Variants in RASGEF1C observed in about 807,000 individuals in gnomAD.
RASGEF1C encodes the protein RasGEF domain family member 1C, also known as ras-GEF domain-containing family member 1C.
Under a neutral mutation model 58.1 loss-of-function variants are expected in RASGEF1C, and 27 were observed. That is an observed-to-expected ratio of 0.46 (90% CI 0.34 to 0.64). RASGEF1C has a LOEUF of 0.64. RASGEF1C is among the 30% of genes least tolerant of loss of function. RASGEF1C has a pLI of 0.01. For synonymous variants in RASGEF1C, 243 were observed against 246.3 expected (o/e 0.99, Z 0.13); for missense variants, 502 against 605.1 (o/e 0.83, Z 1.79).
Position 180,138,026 on chromosome 5 carries a change from G to C in RASGEF1C, c.27C>G (p.Asp9Glu), listed in dbSNP as rs1388709024. 6.5e-7 allele frequency: 1 copy of C among 1,537,760 alleles called. No homozygotes were observed. The highest frequency in any genetic ancestry group is 2.3e-5 in the Admixed American group (1 of 43,922). ...GGCTGAGGCTGCCTGGGGTGACCAT[G>C]TCGGAGGCACTCAGCGTCTGTGGCA... Reference protein sequence around the residue: MPQTLSASDMVTPGSLSPP... With the variant: MPQTLSASEMVTPGSLSPP... Residue 9 changes from aspartate to glutamate, a missense_variant, in exon 2 of 14, where the codon GAC (aspartate) becomes GAG (glutamate). By Grantham distance (45) the Asp-to-Glu change is conservative (BLOSUM62 2). Transcript: ENST00000361132.
intron 1 of RASGEF1C, among the ~76,000 whole-genome samples, chr5:180,145,362 C>T (rs937235206): frequency 1.3e-5 from 2 of 152,200 alleles, no homozygotes; most frequent in African/African-American, 4.8e-5. Context: ...CTTAGGTGAT[C>T]TGCCCGCCTC....
At chr5:180,113,801 G>A (rs565738867) in intron 11 of RASGEF1C, among the ~76,000 whole-genome samples, 20 of 151,256 alleles carry the variant, frequency 1.3e-4, no homozygotes, top group Admixed American at 1.2e-3. Context: ...TGGAGGGACC[G>A]AGGATGGATG....
intron 1 of RASGEF1C, among the ~76,000 whole-genome samples, chr5:180,170,312 G>A (rs1389762300): frequency 6.6e-6 from 1 of 152,146 alleles, no homozygotes; most frequent in African/African-American, 2.4e-5. Context: ...AGGGCCGCCA[G>A]CCAGGAGGCA....
In RASGEF1C at chr5:180,137,443, G is replaced by C. The variant is rs967127612; in HGVS notation, c.300+147C>G. 4 of 1,092,110 alleles carry C rather than the reference G, an allele frequency of 3.7e-6. No individual in the cohort carries two copies. The highest frequency in any genetic ancestry group is 5.3e-6 in the Non-Finnish European group (4 of 754,436). 67.7% of individuals were successfully genotyped at this position (1,092,110 alleles called of 1,614,324 possible). A position where few individuals can be genotyped will look rare whatever the true frequency, so the allele number is the denominator to read the frequency against. On this transcript the variant is annotated intron_variant, in intron 3 of 13. Coordinates refer to ENST00000361132, the MANE Select transcript of RASGEF1C (RefSeq NM_175062.4). The surrounding 1 kb of genome is among the most constrained non-coding windows in gnomAD (Gnocchi z 4.1). ...GTCCTGTTCTGCTCCTTCTGGCTCT[G>C]GGCCTCAGACAAGGTGGAAACACCC...
intron 12 of RASGEF1C, among the ~76,000 whole-genome samples, chr5:180,108,359 G>A (rs756862899): frequency 3.9e-5 from 6 of 151,932 alleles, no homozygotes; most frequent in South Asian, 2.1e-4. Context: ...CCGACACCAC[G>A]CTTGGCTAAT....
At chr5:180,138,097 A>ACACCTGAGTTGGGTG (rs1242178084) in intron 1 of RASGEF1C, 39 bp from the exon 2 acceptor site, 5 of 1,296,584 alleles carry the variant, frequency 3.9e-6, no homozygotes, top group Non-Finnish European at 4.1e-6. Context: ...GAGTGGGGGC[A>ACACCTGAGTTGGGTG]CACCTGAGTT....
At chr5:180,174,580 G>A (rs1001512615) in intron 1 of RASGEF1C, among the ~76,000 whole-genome samples, 17 of 149,646 alleles carry the variant, frequency 1.1e-4, no homozygotes, top group African/African-American at 4.2e-4. Flanking sequence ...GTGTCTGTGT[G>A]TGCGCACGTG....
chr5:180,118,112 T>G (rs1449373825), intron 10 of RASGEF1C, among the ~76,000 whole-genome samples: 1 of 151,956 alleles, frequency 6.6e-6, no homozygotes, highest in African/African-American at 2.4e-5. Context: ...ATAAAAGTAT[T>G]ACGTTTAGAA....
intron 1 of RASGEF1C, among the ~76,000 whole-genome samples, chr5:180,181,899 C>CTGACTTCAAGAA (rs1255006689): frequency 6.6e-6 from 1 of 152,116 alleles, no homozygotes; most frequent in Admixed American, 6.5e-5. Context: ...TGTGGTCTCG[C>CTGACTTCAAGAA]TGACTTCAAG....
intron 8 of RASGEF1C, 91 bp from the exon 9 acceptor site, chr5:180,118,957 G>T (rs576077247): frequency 1.7e-6 from 2 of 1,206,428 alleles, no homozygotes; most frequent in Non-Finnish European, 2.5e-6. Context: ...CCTGACCAGG[G>T]CTGAGGTCTG....
rs201990397 is a variant in RASGEF1C, at chr5:180,135,048, C to CG, written c.438+1329_438+1330insC. ...CCATCCCGTTTCCGCTGTCCCCACC[C>CG]CCCCCGTCCAATCATCAACTGTTCC... On this transcript the variant is annotated intron_variant, in intron 4 of 13. Coordinates refer to ENST00000361132, the MANE Select transcript of RASGEF1C (RefSeq NM_175062.4). 3.3e-4 allele frequency among the ~76,000 whole-genome samples: 47 copies of CG among 143,412 alleles called. 1 individual carries two copies. In the East Asian group the frequency reaches 3.5e-3, roughly 11 times the overall value. 94.1% of individuals were successfully genotyped at this position (143,412 alleles called of 152,430 possible).
In RASGEF1C at chr5:180,123,468, A is replaced by T. The variant is rs73810786; in HGVS notation, c.715-2319T>A. 2.7e-3 allele frequency among the ~76,000 whole-genome samples: 411 copies of T among 152,340 alleles called. 1 individual carries two copies. Among genetic ancestry groups the T allele is most frequent in the African/African-American group, 9.1e-3 (380 of 41,574 alleles). Reference sequence around the variant, plus strand: ...TTTCAAATGTTCAGAAACTTAAAAAATTTTTTGAAATAATCTATGTTTCAA... The same window carrying T: ...TTTCAAATGTTCAGAAACTTAAAAATTTTTTTGAAATAATCTATGTTTCAA... On this transcript the variant is annotated intron_variant, in intron 6 of 13. Coordinates refer to ENST00000361132, the MANE Select transcript of RASGEF1C (RefSeq NM_175062.4).
intron 7 of RASGEF1C, among the ~76,000 whole-genome samples, chr5:180,120,019 G>C (rs1554111845): frequency 6.6e-6 from 1 of 152,202 alleles, no homozygotes; most frequent in Non-Finnish European, 1.5e-5. Context: ...GCTCAGGCCA[G>C]GCTTCGCCCA....
rs192945039 is a variant in RASGEF1C at position 180,179,256 on chromosome 5, C to T, written c.-7+29772G>A. Among the ~76,000 whole-genome samples the T allele has an allele frequency of 1.4e-4, 21 of 152,136 alleles. No homozygotes were observed. In the East Asian group the frequency reaches 3.1e-3, roughly 22 times the overall value. ...GAGCACTCAGCCCCCGGGGTTTGTG[C>T]GTTACCCACCTGGGTGACTTGTCTG... On this transcript the variant is annotated intron_variant, in intron 1 of 13. Transcript: ENST00000361132.
At chr5:180,114,693 G>A in intron 10 of RASGEF1C, 152 bp from the exon 11 acceptor site, 1 of 626,468 alleles carries the variant, frequency 1.6e-6, no homozygotes, top group Non-Finnish European at 2.7e-6. Context: ...GGGCTAGCCG[G>A]GGCCTTGGGA....
At chr5:180,132,303 G>A (rs945679260) in intron 4 of RASGEF1C, among the ~76,000 whole-genome samples, 1 of 152,352 alleles carries the variant, frequency 6.6e-6, no homozygotes, top group Admixed American at 6.5e-5. Flanking sequence ...GCATAGAGCC[G>A]GGTGTGAATG....
At position 180,155,736 on chromosome 5, in the gene RASGEF1C, C is replaced by T. The variant is rs1766838428; in HGVS notation, c.-6-17678G>A. ...TACTCTTGGCCCACGTTCTCAATTA[C>T]GTCCTGAGAACATACTTCTACAAGG... On this transcript the variant is annotated intron_variant, in intron 1 of 13. Transcript: ENST00000361132. This position sits in a 1 kb window ranked among gnomAD's most constrained non-coding sequence, Gnocchi z 5.2. 6.6e-6 allele frequency among the ~76,000 whole-genome samples: 1 copy of T among 152,090 alleles called. No individual in the cohort carries two copies. Among genetic ancestry groups the T allele is most frequent in the Admixed American group, 6.5e-5 (1 of 15,278 alleles).
At chr5:180,127,486 G>A in intron 6 of RASGEF1C, 123 bp downstream of exon 6, 3 of 863,692 alleles carry the variant, frequency 3.5e-6, no homozygotes, top group South Asian at 2.3e-5. Flanking sequence ...AGGGCCCCCC[G>A]AGCCCACCTG....
chr5:180,174,587 CGTGT>C lies in RASGEF1C; in HGVS notation c.-7+34437_-7+34440del, dbSNP rs10533092. 5.5e-3 allele frequency among the ~76,000 whole-genome samples: 806 copies of C among 147,464 alleles called. 4 individuals are homozygous for C. The highest frequency in any genetic ancestry group is 0.017 in the African/African-American group (680 of 39,976). On this transcript the variant is annotated intron_variant, in intron 1 of 13. Coordinates refer to ENST00000361132, the MANE Select transcript of RASGEF1C (RefSeq NM_175062.4). ...GTGCACGTGTGTCTGTGTGTGCGCA[CGTGT>C]GTGTGTGTGTGCACGCATGTGTGTG...
Sources: gnomAD v4.1 joint callset for allele counts (sites outside exome capture counted in the v4.1 genomes callset) on GRCh38, gnomAD v4.1.1 for gene constraint, Gnocchi (gnomAD v3.1) non-coding constraint, MANE v1.5 for transcripts, NCBI Gene and HGNC (gene_info 2026-07-23, HGNC 2026-07-21) for gene names.